Variants in PCDHGA4 observed in about 807,000 individuals in gnomAD.
PCDHGA4 encodes protocadherin gamma-A4.
Under a neutral mutation model 54.6 loss-of-function variants are expected in PCDHGA4, and 38 were observed. That is an observed-to-expected ratio of 0.70 (90% CI 0.54 to 0.91). PCDHGA4 has a LOEUF of 0.91. Among genes scored for constraint, PCDHGA4 ranks in the 40% least tolerant of loss-of-function variants. The probability of loss-of-function intolerance (pLI) is 0.00; values close to 1 mark genes in which losing one functional copy is unlikely to be tolerated. For synonymous variants in PCDHGA4, 511 were observed against 512.9 expected, an observed-to-expected ratio of 1.00 and a Z score of 0.05; for missense variants, 1,298 against 1,220.9, an observed-to-expected ratio of 1.06 and a Z score of -0.94.
chr5:141,433,329 G>A, intron 1 of PCDHGA4: 1 of 702,998 alleles, frequency 1.4e-6, no homozygotes, highest in Non-Finnish European at 2.4e-6. Context: ...GTGTAACAGG[G>A]ACTACAGGTG....
chr5:141,363,649 G>T (rs1045125812), intron 1 of PCDHGA4, among the ~76,000 whole-genome samples: 1 of 152,184 alleles, frequency 6.6e-6, no homozygotes, highest in East Asian at 1.9e-4. Flanking sequence ...AAGTAACAAA[G>T]ATCTTTATTT....
intron 1 of PCDHGA4, among the ~76,000 whole-genome samples, chr5:141,472,280 A>G (rs988007394): frequency 6.6e-6 from 1 of 152,276 alleles, no homozygotes; most frequent in African/African-American, 2.4e-5. Context: ...AGTGGCTCAC[A>G]CCTGTAATCC....
chr5:141,470,869 T>C (rs1215083835), intron 1 of PCDHGA4, among the ~76,000 whole-genome samples: 1 of 151,910 alleles, frequency 6.6e-6, no homozygotes, highest in African/African-American at 2.4e-5. Context: ...TTTGTTTGTT[T>C]GTTTTTTTGT....
chr5:141,398,914 C>G, intron 1 of PCDHGA4: 1 of 1,613,964 alleles, frequency 6.2e-7, no homozygotes, highest in Non-Finnish European at 8.5e-7. Flanking sequence ...CACTGTGTTG[C>G]AAGTGTCAGC....
chr5:141,361,965 G>C, intron 1 of PCDHGA4: 1 of 1,602,240 alleles, frequency 6.2e-7, no homozygotes, highest in Non-Finnish European at 8.5e-7. Context: ...ACGTGCTGCA[G>C]GCCAGCGAGC....
rs756915110 is a variant in PCDHGA4, at chr5:141,490,431, T to C, written c.2515-4376T>C. 6 of 1,614,036 alleles carry C rather than the reference T, an allele frequency of 3.7e-6. No individual in the cohort carries two copies. In the South Asian group the frequency reaches 6.6e-5, roughly 18 times the overall value. ...TCTCTCCGGACCTGCCATTTCAGATTAAGCCTTCTGAGAACCACTACTCGC... is the reference window on the plus strand; with the variant it reads ...TCTCTCCGGACCTGCCATTTCAGATCAAGCCTTCTGAGAACCACTACTCGC... On this transcript the variant is annotated intron_variant, in intron 1 of 3. Transcript: ENST00000571252. The surrounding 1 kb of genome is among the most constrained non-coding windows in gnomAD (Gnocchi z 5.4).
In PCDHGA4 at chr5:141,487,107, T is replaced by C. The variant is rs1193091014; in HGVS notation, c.2515-7700T>C. 6.2e-7 allele frequency: 1 copy of C among 1,613,926 alleles called. No individual in the cohort carries two copies. The highest frequency in any genetic ancestry group is 8.5e-7 in the Non-Finnish European group (1 of 1,179,782). On this transcript the variant is annotated intron_variant, in intron 1 of 3. Transcript: ENST00000571252. This position sits in a 1 kb window ranked among gnomAD's most constrained non-coding sequence, Gnocchi z 5.0. ...GACCTCCCACCACAGAAGCTGGTCA[T>C]TGTGGTAAAGGATAGTGGTAGTCCA...
chr5:141,453,931 G>T (rs61228273), intron 1 of PCDHGA4, among the ~76,000 whole-genome samples: 2 of 152,306 alleles, frequency 1.3e-5, no homozygotes, highest in African/African-American at 4.8e-5. Flanking sequence ...GTCACTGTGT[G>T]CCTATAATTT....
At chr5:141,468,746 G>A (rs1298497433) in intron 1 of PCDHGA4, among the ~76,000 whole-genome samples, 1 of 151,850 alleles carries the variant, frequency 6.6e-6, no homozygotes, top group Non-Finnish European at 1.5e-5. Flanking sequence ...GGTGCCTGTA[G>A]TCCCAGCTAC....
At chr5:141,509,805 G>A (rs150684746) in intron 3 of PCDHGA4, among the ~76,000 whole-genome samples, 2 of 152,248 alleles carry the variant, frequency 1.3e-5, no homozygotes, top group Middle Eastern at 3.4e-3. Flanking sequence ...GCTTCATAGA[G>A]CCGAGCTCTT....
intron 1 of PCDHGA4, among the ~76,000 whole-genome samples, chr5:141,460,270 C>T (rs1223096441): frequency 6.6e-6 from 1 of 151,828 alleles, no homozygotes; most frequent in Non-Finnish European, 1.5e-5. Context: ...TTTATTTTTT[C>T]TTTTATAGTT....
At chr5:141,404,321 T>A (rs764642673) in intron 1 of PCDHGA4, 7 of 1,613,764 alleles carry the variant, frequency 4.3e-6, no homozygotes, top group Non-Finnish European at 3.4e-6. Flanking sequence ...TCAAGCCTCC[T>A]ACTCAGTCTA....
intron 1 of PCDHGA4, chr5:141,441,694 G>A (rs1443778772): frequency 2.3e-5 from 7 of 301,140 alleles, no homozygotes; most frequent in Non-Finnish European, 2.6e-5. Context: ...GAGCAGCCGC[G>A]AGCCTTCAAG....
intron 1 of PCDHGA4, chr5:141,416,766 T>C (rs906070451): frequency 2.0e-5 from 3 of 152,212 alleles, no homozygotes; most frequent in African/African-American, 7.2e-5. Context: ...GATCTCTTAA[T>C]TTTATTACTA....
chr5:141,400,499 G>A (rs1258690272), intron 1 of PCDHGA4: 8 of 1,613,910 alleles, frequency 5.0e-6, no homozygotes, highest in Non-Finnish European at 6.8e-6. Context: ...TGTAATTCCA[G>A]CGAGTCGACT....
chr5:141,357,659 T>C (rs183766353), intron 1 of PCDHGA4, 38 bp downstream of exon 1: 1 of 1,605,624 alleles, frequency 6.2e-7, no homozygotes, highest in Non-Finnish European at 8.5e-7. Flanking sequence ...CACACTGAAA[T>C]ATAGACAAAG....
At chr5:141,413,220 C>A in intron 1 of PCDHGA4, 1 of 1,613,330 alleles carries the variant, frequency 6.2e-7, no homozygotes, top group South Asian at 1.1e-5. Flanking sequence ...AGGATTGCAG[C>A]GGGCTGGTCC....
intron 1 of PCDHGA4, chr5:141,409,520 T>A (rs1177702875): frequency 6.2e-7 from 1 of 1,613,848 alleles, no homozygotes; most frequent in East Asian, 2.2e-5. Flanking sequence ...AAGCATCACC[T>A]TGTATGTCGC....
At position 141,489,562 on chromosome 5, in the gene PCDHGA4, G is replaced by A. The variant is rs770734883; in HGVS notation, c.2515-5245G>A. ...CACCAGCTGCCTGCTGCCAGTGCAG[G>A]TGGTGACTGAACACCCCCTGGAGCT... On this transcript the variant is annotated intron_variant, in intron 1 of 3. Coordinates refer to ENST00000571252, the MANE Select transcript of PCDHGA4 (RefSeq NM_018917.4). The surrounding 1 kb of genome is among the most constrained non-coding windows in gnomAD (Gnocchi z 4.5). 2 of 1,614,114 alleles carry A rather than the reference G, an allele frequency of 1.2e-6. No homozygotes were observed. Among genetic ancestry groups the A allele is most frequent in the Non-Finnish European group, 1.7e-6 (2 of 1,180,028 alleles).
Sources: gnomAD v4.1 joint callset for allele counts (sites outside exome capture counted in the v4.1 genomes callset) on GRCh38, gnomAD v4.1.1 for gene constraint, Gnocchi (gnomAD v3.1) non-coding constraint, MANE v1.5 for transcripts, NCBI Gene and HGNC (gene_info 2026-07-23, HGNC 2026-07-21) for gene names.